Variants in ZNF143 observed in about 807,000 individuals in gnomAD.
ZNF143 encodes the protein SPH-binding factor.
ZNF143 carries 49 observed loss-of-function variants against 74.1 expected under a neutral mutation model. The ratio of observed to expected loss-of-function variants is 0.66; its 90% CI spans 0.53 to 0.84. ZNF143 has a LOEUF of 0.84. Among genes scored for constraint, ZNF143 ranks in the 40% least tolerant of loss-of-function variants. The probability of loss-of-function intolerance (pLI) is 0.00; values close to 1 mark genes in which losing one functional copy is unlikely to be tolerated. For missense variants in ZNF143, 637 were observed against 793.4 expected (o/e 0.80, Z 2.37); for synonymous variants, 304 against 282.8 (o/e 1.07, Z -0.75).
chr11:9,523,161 A>T (rs1565071111), intron 14 of ZNF143, among the ~76,000 whole-genome samples: 1 of 149,822 alleles, frequency 6.7e-6, no homozygotes, highest in Non-Finnish European at 1.5e-5. Context: ...GAGAATATTG[A>T]TTTTTTTTTT....
At chr11:9,527,482 C>T in intron 15 of ZNF143, 48 bp from the exon 16 acceptor site, 5 of 1,565,162 alleles carry the variant, frequency 3.2e-6, no homozygotes, top group South Asian at 2.2e-5. Context: ...ATTTTCTTGA[C>T]TGTGGCTTTT....
chr11:9,518,697 A>G (rs1433475688), intron 14 of ZNF143, among the ~76,000 whole-genome samples: 1 of 147,612 alleles, frequency 6.8e-6, no homozygotes, highest in East Asian at 1.9e-4. Flanking sequence ...AGCCTAGGCA[A>G]AAAGAGTGAG....
rs1848587204 is a variant in ZNF143 at position 9,512,529 on chromosome 11, T to G, written c.1457T>G (p.Val486Gly). 6.2e-7 allele frequency: 1 copy of G among 1,614,174 alleles called. No individual in the cohort carries two copies. Among genetic ancestry groups the G allele is most frequent in the African/African-American group, 1.3e-5 (1 of 75,056 alleles). ...GGGGACGACGTTGTTTCTACACAAG[T>G]AGCCACAGTAACCCAATCTGGACTG... ...VEGDDVVSTQVATVTQSGLSQ... is the reference protein window; with the variant it reads ...VEGDDVVSTQGATVTQSGLSQ... Residue 486 changes from valine to glycine, a missense_variant, in exon 13 of 16, where the codon GTA (valine) becomes GGA (glycine). Around this residue, in one of 2 missense-constraint regions of ZNF143, gnomAD observed 344 missense variants for 485.6 expected, o/e 0.71. Transcript: ENST00000396602.
chr11:9,516,479 G>T, intron 14 of ZNF143, 117 bp downstream of exon 14: 1 of 996,448 alleles, frequency 1.0e-6, no homozygotes, highest in Non-Finnish European at 1.4e-6. Flanking sequence ...CTAATATTTT[G>T]TAACTTCTTA....
intron 11 of ZNF143, among the ~76,000 whole-genome samples, chr11:9,501,922 ATTCT>A (rs1753121585): frequency 1.6e-5 from 1 of 62,364 alleles, no homozygotes; most frequent in Non-Finnish European, 3.3e-5. Context: ...CTATGGATAT[ATTCT>A]TTTTTTTTTT....
At chr11:9,481,236 A>G (rs1847225859) in intron 7 of ZNF143, among the ~76,000 whole-genome samples, 1 of 152,072 alleles carries the variant, frequency 6.6e-6, no homozygotes, top group Non-Finnish European at 1.5e-5. Flanking sequence ...AAAAATTACA[A>G]AATTAGCAAG....
intron 9 of ZNF143, 33 bp from the exon 10 acceptor site, chr11:9,497,642 T>C: frequency 6.6e-7 from 1 of 1,523,320 alleles, no homozygotes; most frequent in Non-Finnish European, 9.0e-7. Flanking sequence ...AGCAGTATTG[T>C]GTAATTAAAT....
Position 9,486,409 on chromosome 11 carries a change from TATA to T in ZNF143, c.645+6867_645+6869del, listed in dbSNP as rs1411353867. On this transcript the variant is annotated intron_variant, in intron 7 of 15. Coordinates refer to ENST00000396602, the MANE Select transcript of ZNF143 (RefSeq NM_003442.6). Reference sequence around the variant, plus strand: ...TATAATATATATAATATATTATATATATAATATATATTATATATATTATATATA... The same window carrying T: ...TATAATATATATAATATATTATATATATATATATTATATATATTATATATA... 2.4e-4 allele frequency among the ~76,000 whole-genome samples: 6 copies of T among 25,114 alleles called. 1 individual carries two copies. The highest frequency in any genetic ancestry group is 1.4e-3 in the East Asian group (1 of 738). The allele number at this position is 25,114 out of a possible 152,430, so 16.5% of individuals were successfully genotyped here.
intron 4 of ZNF143, 72 bp from the exon 5 acceptor site, chr11:9,474,478 C>A: frequency 6.9e-7 from 1 of 1,457,526 alleles, no homozygotes; most frequent in Non-Finnish European, 9.6e-7. Context: ...GGTTTATTGA[C>A]TCTTGTTGCT....
At chr11:9,471,502 GATTTAGCAGAAAACA>G (rs1018505613) in intron 2 of ZNF143, 82 bp downstream of exon 2, 43 of 1,005,180 alleles carry the variant, frequency 4.3e-5, no homozygotes, top group Non-Finnish European at 5.5e-5. Flanking sequence ...CCTAGTTCCT[GATTTAGCAGAAAACA>G]ATATAAACCT....
intron 5 of ZNF143, among the ~76,000 whole-genome samples, chr11:9,477,113 CCCTTCCTTCCTTCCTTCCTTCCTTCCTT>C (rs370473998): frequency 2.8e-5 from 2 of 70,450 alleles, no homozygotes; most frequent in East Asian, 3.7e-4. Flanking sequence ...AAGTCTGCAC[CCCTTCCTTCCTTCCTTCCTTCCTTCCTT>C]CCTTCCTTCC....
intron 12 of ZNF143, 106 bp from the exon 13 acceptor site, chr11:9,512,342 A>G: frequency 7.1e-7 from 1 of 1,414,350 alleles, no homozygotes; most frequent in South Asian, 1.4e-5. Flanking sequence ...AGAATATAAT[A>G]CATGTACATT....
At position 9,484,799 on chromosome 11, in the gene ZNF143, G is replaced by GTTTTTTTTTT. The variant is rs1316309780; in HGVS notation, c.645+5253_645+5254insTTTTTTTTTT. On this transcript the variant is annotated intron_variant, in intron 7 of 15. Coordinates refer to ENST00000396602, the MANE Select transcript of ZNF143 (RefSeq NM_003442.6). ...GCGTGAGCCACCGCACCTGGCCAAAGATTTTTTTTTTTTTTTGAGACGGAG... is the reference window on the plus strand; with the variant it reads ...GCGTGAGCCACCGCACCTGGCCAAAGTTTTTTTTTTATTTTTTTTTTTTTTTGAGACGGAG... 1.9e-3 allele frequency among the ~76,000 whole-genome samples: 47 copies of GTTTTTTTTTT among 24,216 alleles called. 6 individuals carry two copies. Among genetic ancestry groups the GTTTTTTTTTT allele is most frequent in the East Asian group, 3.9e-3 (2 of 514 alleles). The allele number at this position is 24,216 out of a possible 152,430, so 15.9% of individuals were successfully genotyped here.
chr11:9,505,940 A>G lies in ZNF143; in HGVS notation c.1148-2679A>G, dbSNP rs368326929. On this transcript the variant is annotated intron_variant, in intron 11 of 15. Coordinates refer to ENST00000396602, the MANE Select transcript of ZNF143 (RefSeq NM_003442.6). ...TTTTAAGTGCTTCTTATTAAAATAT[A>G]TGTGCTTAAGTGCCTTTTTGTAATA... 2.3e-4 allele frequency among the ~76,000 whole-genome samples: 35 copies of G among 151,986 alleles called. 1 individual carries two copies. The highest frequency in any genetic ancestry group is 8.4e-4 in the African/African-American group (35 of 41,470).
chr11:9,512,154 A>G (rs2290424), intron 12 of ZNF143, among the ~76,000 whole-genome samples: 57,163 of 151,962 alleles, frequency 0.38, 11,328 homozygotes, highest in Middle Eastern at 0.47. Flanking sequence ...CGCCCCTAAT[A>G]CACATATAGT....
In ZNF143 at chr11:9,479,501, A is replaced by G. The variant is rs549352456; in HGVS notation, c.600A>G (p.Ala200=). ...CCATTGATGGAAGTGAAAGTGTAGC[A>G]GGTACTGGAATGATTGGAGAAAATG... is the stretch of plus-strand genomic sequence containing the variant. ...KVSIDGSESV[A]GTGMIGENEQ... is the part of the protein sequence containing the mutation. Residue 200 remains alanine (A), a synonymous_variant, in exon 7 of 16, where the codon GCA becomes GCG. Transcript: ENST00000396602. The G allele has an allele frequency of 1.7e-5, 27 of 1,613,266 alleles. No individual in the cohort carries two copies. In the South Asian group the frequency reaches 2.4e-4, roughly 14 times the overall value.
intron 14 of ZNF143, among the ~76,000 whole-genome samples, chr11:9,522,445 A>G (rs61876799): frequency 0.19 from 29,235 of 151,968 alleles, 3,065 homozygotes; most frequent in East Asian, 0.43. Flanking sequence ...AGTTACATGT[A>G]TATTAACTAG....
chr11:9,503,733 G>T (rs146801513), intron 11 of ZNF143, among the ~76,000 whole-genome samples: 291 of 150,644 alleles, frequency 1.9e-3, no homozygotes, highest in African/African-American at 6.9e-3. Context: ...GCCTCCGCCT[G>T]CCGGGTTCAA....
chr11:9,467,903 T>C (rs1856343381), intron 1 of ZNF143, among the ~76,000 whole-genome samples: 1 of 150,824 alleles, frequency 6.6e-6, no homozygotes, highest in Admixed American at 6.6e-5. Context: ...ATTTTCACAA[T>C]TATCTAATGA....
Sources: gnomAD v4.1 joint callset for allele counts (sites outside exome capture counted in the v4.1 genomes callset) on GRCh38, gnomAD v4.1.1 for gene constraint, gnomAD v4.1.1 regional missense constraint, MANE v1.5 for transcripts, NCBI Gene and HGNC (gene_info 2026-07-23, HGNC 2026-07-21) for gene names.